The following PRKD3 variants were observed in gnomAD, a reference collection of about 807,000 sequenced individuals.
The protein encoded by PRKD3 is protein kinase D3, also known as serine/threonine-protein kinase D3.
A neutral mutation model predicts 99.2 loss-of-function variants in PRKD3; 47 were observed. The observed-to-expected ratio is 0.47, with a 90% CI of 0.38 to 0.60. The LOEUF (loss-of-function observed/expected upper bound fraction) is 0.60, where lower values mean the gene tolerates loss of function less well. Ranked by LOEUF, PRKD3 falls within the 20% of genes least tolerant of loss-of-function variation. The pLI is 0.00. For missense variants in PRKD3, 1,019 were observed against 1,088.4 expected, an observed-to-expected ratio of 0.94 and a Z score of 0.90; for synonymous variants, 392 against 355.4, an observed-to-expected ratio of 1.10 and a Z score of -1.16.
At position 37,290,902 on chromosome 2, in the gene PRKD3, G is replaced by C. The variant is rs10177176; in HGVS notation, c.525C>G (p.Leu175=). 603,796 of 1,603,068 alleles carry C rather than the reference G, an allele frequency of 0.38. 117,988 individuals carry two copies. Among genetic ancestry groups the C allele is most frequent in the East Asian group, 0.46 (20,513 of 44,742 alleles). Residue 175 remains leucine (L), a synonymous_variant, in exon 4 of 19, where the codon CTC becomes CTG. Coordinates refer to ENST00000234179, the MANE Select transcript of PRKD3 (RefSeq NM_005813.6). ...TCAGTCCTTGACGTACCAATCCCCA[G>C]AGCATCTCACCACAGTAATCACAGA... ...PTFCDYCGEM[L]WGLVRQGLKC...
At position 37,324,829 on chromosome 2, in the gene PRKD3, A is replaced by T. The variant is rs1414341914; in HGVS notation, c.-804T>A. The stretch of plus-strand genomic sequence containing the variant: ...CCTCCCCGTCCCGTCCTGGGGCCGG[A>T]GGGCGGGGGGCCGGGGCGCGCGGGG... On this transcript the variant is annotated 5_prime_UTR_variant, in exon 1 of 19. Coordinates refer to ENST00000234179, the MANE Select transcript of PRKD3 (RefSeq NM_005813.6). 1 of 149,412 alleles carries T rather than the reference A, an allele frequency of 6.7e-6. No individual in the cohort carries two copies. The highest frequency in any genetic ancestry group is 1.5e-5 in the Non-Finnish European group (1 of 67,052). The allele number at this position is 149,412 out of a possible 1,614,324, so 9.3% of individuals were successfully genotyped here. A position where few individuals can be genotyped will look rare whatever the true frequency, so the allele number is the denominator to read the frequency against.
In PRKD3 at chr2:37,301,709, T is replaced by C. The variant is rs1005808129; in HGVS notation, c.289-8438A>G. On this transcript the variant is annotated intron_variant, in intron 2 of 18. Coordinates refer to ENST00000234179, the MANE Select transcript of PRKD3 (RefSeq NM_005813.6). ...TCTTCAAAATACAATTCTTGCCCAG[T>C]AAAATGGTGTATATATATCCCTTCT... 2.7e-4 allele frequency among the ~76,000 whole-genome samples: 41 copies of C among 152,196 alleles called. 1 individual carries two copies. Among genetic ancestry groups the C allele is most frequent in the African/African-American group, 9.4e-4 (39 of 41,458 alleles).
In PRKD3 at chr2:37,253,232, T is replaced by C. The variant is rs1469938925; in HGVS notation, c.2618A>G (p.Tyr873Cys). The C allele has an allele frequency of 1.2e-6, 2 of 1,612,526 alleles. No individual in the cohort carries two copies. Among genetic ancestry groups the C allele is most frequent in the Middle Eastern group, 1.7e-4 (1 of 6,052 alleles). The change falls in exon 19 of 19, where the codon TAC (tyrosine) becomes TGC (cysteine). Residue 873 changes from tyrosine to cysteine, a missense_variant. By Grantham distance (194) the Tyr-to-Cys change is radical. Coordinates refer to ENST00000234179, the MANE Select transcript of PRKD3 (RefSeq NM_005813.6). ...AGGAGCCATAATGAAGTGCTTTGGG[T>C]ATACAAGGTTATGTGTGTATGCATG... ...EIHAYTHNLV[Y>C]PKHFIMAPNP...
chr2:37,285,832 C>T (rs960196567), intron 6 of PRKD3, among the ~76,000 whole-genome samples: 11 of 152,064 alleles, frequency 7.2e-5, no homozygotes, highest in Non-Finnish European at 1.5e-4. Flanking sequence ...TTACTACTAA[C>T]TCCTATTACT....
intron 3 of PRKD3, among the ~76,000 whole-genome samples, chr2:37,292,074 T>C (rs1670456123): frequency 6.6e-6 from 1 of 152,178 alleles, no homozygotes. Flanking sequence ...GGAAAGAGCA[T>C]TTTTAATTTT....
Position 37,316,648 on chromosome 2 carries a change from T to G in PRKD3, c.-124A>C. 1 of 1,466,116 alleles carries G rather than the reference T, an allele frequency of 6.8e-7. No homozygotes were observed. Among genetic ancestry groups the G allele is most frequent in the Middle Eastern group, 2.5e-4 (1 of 4,014 alleles). 90.8% of individuals were successfully genotyped at this position (1,466,116 alleles called of 1,614,324 possible). A position where few individuals can be genotyped will look rare whatever the true frequency, so the allele number is the denominator to read the frequency against. On this transcript the variant is annotated 5_prime_UTR_variant, in exon 2 of 19. Transcript: ENST00000234179. ...TGGATTTAGTTGAAAACTTCTTTAT[T>G]TCCTCTGTTAAGCCACTCATGCCGA...
chr2:37,274,619 A>C lies in PRKD3; in HGVS notation c.1453T>G (p.Cys485Gly). The C allele has an allele frequency of 1.2e-6, 2 of 1,614,096 alleles. No homozygotes were observed. The highest frequency in any genetic ancestry group is 1.7e-6 in the Non-Finnish European group (2 of 1,179,930). ...ATAGTATCAGTAATGATTTCAAAACAGTGTGGATTGCTGCCTTGTGAAATG... is the reference window on the plus strand; with the variant it reads ...ATAGTATCAGTAATGATTTCAAAACCGTGTGGATTGCTGCCTTGTGAAATG... ...TNISQGSNPHCFEIITDTMVY... is the reference protein window; with the variant it reads ...TNISQGSNPHGFEIITDTMVY... The change falls in exon 11 of 19, where the codon TGT (cysteine) becomes GGT (glycine). Residue 485 changes from cysteine to glycine, a missense_variant. Physicochemically the swap from Cys to Gly is radical, Grantham distance 159. This residue lies in a region of PRKD3 where 710 missense variants were observed against 692.7 expected (regional missense o/e 1.02). Coordinates refer to ENST00000234179, the MANE Select transcript of PRKD3 (RefSeq NM_005813.6).
rs943715343 is a variant in PRKD3, at chr2:37,305,867, G to A, written c.288+10370C>T. Among the ~76,000 whole-genome samples, 6 of 152,124 alleles carry A rather than the reference G, an allele frequency of 3.9e-5. No homozygotes were observed. In the South Asian group the frequency reaches 1.0e-3, roughly 26 times the overall value. On this transcript the variant is annotated intron_variant, in intron 2 of 18. Coordinates refer to ENST00000234179, the MANE Select transcript of PRKD3 (RefSeq NM_005813.6). Reference sequence around the variant, plus strand: ...ACTAAGTATGTGCCAGACACTACCTGGGGCTTTACATTTAACCACCATTCT... The same window carrying A: ...ACTAAGTATGTGCCAGACACTACCTAGGGCTTTACATTTAACCACCATTCT...
At chr2:37,270,978 CCTT>C (rs1281806579) in intron 12 of PRKD3, among the ~76,000 whole-genome samples, 5 of 152,256 alleles carry the variant, frequency 3.3e-5, no homozygotes, top group East Asian at 1.9e-4. Context: ...TGATATTCCT[CCTT>C]ATCTCCCCAA....
intron 2 of PRKD3, among the ~76,000 whole-genome samples, chr2:37,297,559 A>C (rs1670728588): frequency 6.6e-6 from 1 of 152,134 alleles, no homozygotes; most frequent in Non-Finnish European, 1.5e-5. Flanking sequence ...TTTCTGTTTA[A>C]GAATCCCATC....
intron 2 of PRKD3, among the ~76,000 whole-genome samples, chr2:37,309,650 C>A (rs934521052): frequency 2.6e-5 from 4 of 152,108 alleles, no homozygotes; most frequent in Non-Finnish European, 4.4e-5. Context: ...GAGATCAAGA[C>A]CATCCTGGCC....
intron 9 of PRKD3, among the ~76,000 whole-genome samples, chr2:37,276,787 T>C (rs1669589878): frequency 6.7e-6 from 1 of 149,544 alleles, no homozygotes; most frequent in Non-Finnish European, 1.5e-5. Context: ...TGTATATATG[T>C]ATATATACAC....
chr2:37,282,584 T>G lies in PRKD3; in HGVS notation c.946A>C (p.Lys316Gln). Residue 316 changes from lysine (K) to glutamine (Q), a missense_variant, in exon 7 of 19, where the codon AAA becomes CAA. Lys to Gln is a moderately conservative substitution (Grantham distance 53). Transcript: ENST00000234179. The part of the protein sequence containing the change: ...KFNCHKRCAS[K>Q]VPRDCLGEVT... Reference sequence around the variant, plus strand: ...TCTCCAAGGCAGTCTCTTGGTACTTTTGATGCACAGCGTTTATGGCAGTTG... The same window carrying G: ...TCTCCAAGGCAGTCTCTTGGTACTTGTGATGCACAGCGTTTATGGCAGTTG... The G allele has an allele frequency of 6.2e-7, 1 of 1,603,736 alleles. No homozygotes were observed. Among genetic ancestry groups the G allele is most frequent in the Non-Finnish European group, 8.5e-7 (1 of 1,170,642 alleles).
intron 12 of PRKD3, among the ~76,000 whole-genome samples, chr2:37,271,718 G>A (rs755025883): frequency 2.6e-4 from 39 of 152,170 alleles, no homozygotes; most frequent in Non-Finnish European, 4.0e-4. Flanking sequence ...ATGAGAATCT[G>A]ATGATCTGAC....
At chr2:37,324,071 C>CA (rs1347677081) in intron 1 of PRKD3, 3 of 501,212 alleles carry the variant, frequency 6.0e-6, no homozygotes. Context: ...TGGCACTCCT[C>CA]AGTGTTTCAG....
chr2:37,261,665 A>G (rs998619773), intron 14 of PRKD3, among the ~76,000 whole-genome samples: 2 of 152,102 alleles, frequency 1.3e-5, no homozygotes, highest in Non-Finnish European at 2.9e-5. Flanking sequence ...CTGTAATCCC[A>G]GCTACTCGGG....
At chr2:37,323,419 C>G (rs549456250) in intron 1 of PRKD3, among the ~76,000 whole-genome samples, 11 of 152,046 alleles carry the variant, frequency 7.2e-5, no homozygotes, top group African/African-American at 2.7e-4. Flanking sequence ...GTATTACTAC[C>G]TACTGAAGAA....
chr2:37,309,284 C>T (rs1671310513), intron 2 of PRKD3, among the ~76,000 whole-genome samples: 1 of 151,940 alleles, frequency 6.6e-6, no homozygotes, highest in Admixed American at 6.6e-5. Context: ...TTTCCTGTAC[C>T]TCTTGTGACA....
At chr2:37,287,426 CTCT>C (rs1476852823) in intron 5 of PRKD3, among the ~76,000 whole-genome samples, 11 of 150,710 alleles carry the variant, frequency 7.3e-5, no homozygotes, top group Admixed American at 2.0e-4. Context: ...ACTTCTCTGT[CTCT>C]TGTTTTTTTC....
Sources: allele counts gnomAD v4.1 joint callset (sites outside exome capture counted in the v4.1 genomes callset), GRCh38; gene constraint gnomAD v4.1.1; regional missense constraint gnomAD v4.1.1; transcripts MANE v1.5; gene names NCBI Gene and HGNC (gene_info 2026-07-23, HGNC 2026-07-21).